The following MAN2A1 variants were observed in gnomAD, a reference collection of about 807,000 sequenced individuals.
MAN2A1 encodes the protein mannosidase alpha class 2A member 1.
In MAN2A1, 76 loss-of-function variants were observed where a neutral mutation model predicts 142.6. That is an observed-to-expected ratio of 0.53 (90% CI 0.44 to 0.65). The LOEUF (loss-of-function observed/expected upper bound fraction) is 0.65. MAN2A1 is among the 30% of genes least tolerant of loss of function. MAN2A1 has a pLI of 0.00. For synonymous variants in MAN2A1, 559 were observed against 473.2 expected, an observed-to-expected ratio of 1.18 and a Z score of -2.35; for missense variants, 1,311 against 1,365.1, an observed-to-expected ratio of 0.96 and a Z score of 0.62.
At chr5:109,709,756 ACCT>A (rs1232024863) in intron 1 of MAN2A1, among the ~76,000 whole-genome samples, 3 of 151,976 alleles carry the variant, frequency 2.0e-5, no homozygotes, top group Non-Finnish European at 4.4e-5. Context: ...AAATATCATG[ACCT>A]CCTTCCCCAC....
intron 16 of MAN2A1, 36 bp downstream of exon 16, chr5:109,823,873 A>G (rs376072302): frequency 6.8e-6 from 7 of 1,030,186 alleles, no homozygotes; most frequent in Non-Finnish European, 8.3e-6. Context: ...AAACATATGT[A>G]TTATGGTTTT....
intron 16 of MAN2A1, among the ~76,000 whole-genome samples, chr5:109,836,496 G>A (rs971062473): frequency 1.2e-4 from 18 of 152,104 alleles, no homozygotes; most frequent in African/African-American, 3.9e-4. Flanking sequence ...AGTTAAAAGG[G>A]TGATGCCTTT....
At chr5:109,846,574 C>G (rs1385954101) in intron 18 of MAN2A1, among the ~76,000 whole-genome samples, 1 of 152,084 alleles carries the variant, frequency 6.6e-6, no homozygotes, top group Non-Finnish European at 1.5e-5. Context: ...GCAAGTCTTT[C>G]TATTGAGAGG....
chr5:109,847,179 C>T (rs1755364836), intron 18 of MAN2A1, among the ~76,000 whole-genome samples: 1 of 152,172 alleles, frequency 6.6e-6, no homozygotes. Flanking sequence ...ATTCTCAAAG[C>T]TGTGCCCTAA....
intron 4 of MAN2A1, among the ~76,000 whole-genome samples, chr5:109,737,092 CTTT>C (rs10686903): frequency 2.7e-5 from 3 of 112,158 alleles, no homozygotes; most frequent in South Asian, 2.9e-4. Context: ...ACTGTATACT[CTTT>C]TTTTTTTTTT....
intron 4 of MAN2A1, among the ~76,000 whole-genome samples, chr5:109,731,368 ATTATTATTATAC>A (rs1751903421): frequency 8.6e-6 from 1 of 116,800 alleles, no homozygotes; most frequent in Non-Finnish European, 1.8e-5. Flanking sequence ...TTTTTTTATT[ATTATTATTATAC>A]TTTAAGTTTT....
At chr5:109,821,100 CAT>C (rs1754611056) in intron 15 of MAN2A1, among the ~76,000 whole-genome samples, 1 of 152,088 alleles carries the variant, frequency 6.6e-6, no homozygotes, top group African/African-American at 2.4e-5. Context: ...CTAAAGAAAA[CAT>C]TAAAATTTAC....
At chr5:109,833,542 C>T (rs146238259) in intron 16 of MAN2A1, among the ~76,000 whole-genome samples, 3,941 of 152,156 alleles carry the variant, frequency 0.026, 175 homozygotes, top group African/African-American at 0.09. Context: ...TGGAGGCGTG[C>T]GCCTGCAATC....
chr5:109,817,774 A>T (rs1421065393), intron 13 of MAN2A1, among the ~76,000 whole-genome samples: 2 of 152,208 alleles, frequency 1.3e-5, no homozygotes, highest in Admixed American at 1.3e-4. Flanking sequence ...TTTTGCTCTA[A>T]GTGAATTTAA....
At chr5:109,707,154 A>G (rs569653884) in intron 1 of MAN2A1, among the ~76,000 whole-genome samples, 1 of 152,302 alleles carries the variant, frequency 6.6e-6, no homozygotes, top group Admixed American at 6.5e-5. Flanking sequence ...CCTGTGGCCA[A>G]CGTGGGTCCC....
intron 12 of MAN2A1, among the ~76,000 whole-genome samples, chr5:109,809,971 G>A (rs1340498015): frequency 1.3e-5 from 2 of 151,708 alleles, no homozygotes; most frequent in Non-Finnish European, 2.9e-5. Flanking sequence ...CTTTTGCTGA[G>A]TTAAATATAT....
In MAN2A1 at chr5:109,733,659, T is replaced by C. The variant is rs556834446; in HGVS notation, c.707+4146T>C. 2.4e-3 allele frequency among the ~76,000 whole-genome samples: 367 copies of C among 152,250 alleles called. 2 individuals carry two copies. The highest frequency in any genetic ancestry group is 8.5e-3 in the African/African-American group (351 of 41,528). On this transcript the variant is annotated intron_variant, in intron 4 of 21. Coordinates refer to ENST00000261483, the MANE Select transcript of MAN2A1 (RefSeq NM_002372.4). Reference sequence around the variant, plus strand: ...CTTTGGTTCTGTTTATATGCTGGATTACATTTATTGATTAGCGTATATTGA... The same window carrying C: ...CTTTGGTTCTGTTTATATGCTGGATCACATTTATTGATTAGCGTATATTGA...
At chr5:109,852,994 G>A (rs191091579) in intron 19 of MAN2A1, among the ~76,000 whole-genome samples, 80 of 152,196 alleles carry the variant, frequency 5.3e-4, no homozygotes, top group Non-Finnish European at 6.3e-4. Context: ...GGTGCTCTTA[G>A]GGTAGTGAAC....
chr5:109,713,921 A>G (rs1248134617), intron 2 of MAN2A1, 147 bp downstream of exon 2: 4 of 661,310 alleles, frequency 6.0e-6, no homozygotes, highest in African/African-American at 5.4e-5. Flanking sequence ...GATTAGTCAC[A>G]TGAACATTAA....
intron 4 of MAN2A1, among the ~76,000 whole-genome samples, chr5:109,731,870 T>C (rs1751923594): frequency 6.7e-6 from 1 of 149,366 alleles, no homozygotes; most frequent in African/African-American, 2.5e-5. Context: ...CCTTTGGGTA[T>C]ATACCCAGTA....
At chr5:109,854,623 A>G (rs999003454) in intron 19 of MAN2A1, 9 of 152,180 alleles carry the variant, frequency 5.9e-5, no homozygotes, top group African/African-American at 1.9e-4. Flanking sequence ...AAATTCTGTC[A>G]TTGGGTAACA....
At chr5:109,752,402 A>T (rs1561493588) in intron 4 of MAN2A1, among the ~76,000 whole-genome samples, 1 of 152,240 alleles carries the variant, frequency 6.6e-6, no homozygotes, top group Non-Finnish European at 1.5e-5. Context: ...TGTAATAAAT[A>T]TTTGAATGAC....
Position 109,823,500 on chromosome 5 carries a change from A to G in MAN2A1, c.2452-223A>G, listed in dbSNP as rs149932631. Among the ~76,000 whole-genome samples the G allele has an allele frequency of 3.3e-5, 5 of 152,338 alleles. No individual in the cohort carries two copies. In the East Asian group the frequency reaches 9.6e-4, roughly 29 times the overall value. On this transcript the variant is annotated intron_variant, in intron 15 of 21. Coordinates refer to ENST00000261483, the MANE Select transcript of MAN2A1 (RefSeq NM_002372.4). ...GGAGGAATGCTTTCTAGACCAGTGAAGTTGTAAACATTTTTATTTCCTATT... is the reference window on the plus strand; with the variant it reads ...GGAGGAATGCTTTCTAGACCAGTGAGGTTGTAAACATTTTTATTTCCTATT...
intron 16 of MAN2A1, among the ~76,000 whole-genome samples, chr5:109,831,579 A>T (rs150000995): frequency 0.02 from 3,113 of 152,352 alleles, 36 homozygotes; most frequent in Middle Eastern, 0.071. Flanking sequence ...TGTATTGTAC[A>T]TGGTGACTTT....
Sources: allele counts gnomAD v4.1 joint callset (sites outside exome capture counted in the v4.1 genomes callset), GRCh38; gene constraint gnomAD v4.1.1; transcripts MANE v1.5; gene names NCBI Gene and HGNC (gene_info 2026-07-23, HGNC 2026-07-21).